The following DLGAP2 variants were observed in gnomAD, a reference collection of about 807,000 sequenced individuals.
DLGAP2 encodes the protein DLG associated protein 2.
DLGAP2 carries 26 observed loss-of-function variants against 100.3 expected under a neutral mutation model. The ratio of observed to expected loss-of-function variants is 0.26; its 90% CI spans 0.19 to 0.36. The LOEUF (loss-of-function observed/expected upper bound fraction) is 0.36. Among genes scored for constraint, DLGAP2 ranks in the 10% least tolerant of loss-of-function variants. The pLI is 1.00. For synonymous variants in DLGAP2, 886 were observed against 630.1 expected (o/e 1.41, Z -6.08); for missense variants, 1,858 against 1,453.2 (o/e 1.28, Z -4.53).
chr8:764,015 C>A (rs529774436), intron 1 of DLGAP2, among the ~76,000 whole-genome samples: 1 of 152,280 alleles, frequency 6.6e-6, no homozygotes, highest in South Asian at 2.1e-4. Flanking sequence ...TTTTAAGAGT[C>A]TAGTTTGTTC....
chr8:1,418,544 C>T (rs1169030335), intron 3 of DLGAP2, among the ~76,000 whole-genome samples: 1 of 152,318 alleles, frequency 6.6e-6, no homozygotes, highest in East Asian at 1.9e-4. Flanking sequence ...GAAGCTTCAC[C>T]TGGCTGCCAG....
At chr8:786,249 C>G (rs951756864) in intron 1 of DLGAP2, among the ~76,000 whole-genome samples, 1 of 152,080 alleles carries the variant, frequency 6.6e-6, no homozygotes. Context: ...GTGTGTGGGG[C>G]GCCTCCGAAA....
At chr8:1,512,739 T>A (rs770117320) in intron 4 of DLGAP2, among the ~76,000 whole-genome samples, 2 of 152,226 alleles carry the variant, frequency 1.3e-5, no homozygotes, top group Admixed American at 1.3e-4. Flanking sequence ...AGTAGAGATC[T>A]CAGACTTCGC....
rs991091500 is a variant in DLGAP2, at chr8:1,685,434, C to T, written c.2705-6101C>T. Among the ~76,000 whole-genome samples, 15 of 152,316 alleles carry T rather than the reference C, an allele frequency of 9.8e-5. No individual in the cohort carries two copies. In the East Asian group the frequency reaches 2.5e-3, roughly 25 times the overall value. The stretch of plus-strand genomic sequence containing the variant: ...CAATGTATCACACAGCTTAATGGAA[C>T]GTCCACTGCTTCCAGACCTCCTGGG... On this transcript the variant is annotated intron_variant, in intron 12 of 14. Coordinates refer to ENST00000637795, the MANE Select transcript of DLGAP2 (RefSeq NM_001346810.2).
At chr8:1,040,731 G>T (rs1308390722) in intron 2 of DLGAP2, among the ~76,000 whole-genome samples, 7 of 152,184 alleles carry the variant, frequency 4.6e-5, no homozygotes, top group African/African-American at 1.7e-4. Context: ...TCTGTGGTCA[G>T]CTCCGTTCAG....
At chr8:1,548,439 A>G (rs572647308) in intron 4 of DLGAP2, among the ~76,000 whole-genome samples, 187 bp from the exon 5 acceptor site, 1 of 139,758 alleles carries the variant, frequency 7.2e-6, no homozygotes, top group African/African-American at 2.7e-5. Context: ...AGCCTGGGCG[A>G]CAGAGCGAGA....
intron 3 of DLGAP2, among the ~76,000 whole-genome samples, chr8:1,310,052 C>G (rs908461056): frequency 1.6e-5 from 2 of 126,976 alleles, no homozygotes; most frequent in African/African-American, 6.8e-5. Flanking sequence ...GGGCAAGTCT[C>G]CATCTCAAAA....
At chr8:1,176,598 CGA>C (rs376942651) in intron 2 of DLGAP2, among the ~76,000 whole-genome samples, 93,304 of 151,750 alleles carry the variant, frequency 0.61, 28,740 homozygotes, top group Admixed American at 0.67. Flanking sequence ...ATCCAGTGCA[CGA>C]CAGGGGTCGT....
intron 3 of DLGAP2, among the ~76,000 whole-genome samples, chr8:1,322,864 G>T (rs1049979898): frequency 1.3e-5 from 2 of 152,148 alleles, no homozygotes; most frequent in Non-Finnish European, 2.9e-5. Flanking sequence ...TGTATCATTT[G>T]TCACAGTGCA....
rs1440754174 is a variant in DLGAP2 at position 1,632,989 on chromosome 8, G to A, written c.1753G>A (p.Glu585Lys). 11 of 1,613,814 alleles carry A rather than the reference G, an allele frequency of 6.8e-6. No homozygotes were observed. The highest frequency in any genetic ancestry group is 1.3e-5 in the African/African-American group (1 of 74,904). ...AIQAGYSQDD[E>K]CIPMMTPSDI... The stretch of plus-strand genomic sequence containing the variant: ...TCAAGCCGGCTACTCCCAAGATGAC[G>A]AATGTATTCCCATGATGACACCCTC... The change falls in exon 8 of 15, where the codon GAA becomes AAA. Residue 585 changes from glutamate to lysine, a missense_variant. Coordinates refer to ENST00000637795, the MANE Select transcript of DLGAP2 (RefSeq NM_001346810.2).
chr8:1,547,349 A>G (rs938863781), intron 4 of DLGAP2, among the ~76,000 whole-genome samples: 1 of 151,754 alleles, frequency 6.6e-6, no homozygotes, highest in Non-Finnish European at 1.5e-5. Flanking sequence ...GCTCCCCTAA[A>G]AGTTGGTGGA....
chr8:816,643 T>A (rs538656671), intron 1 of DLGAP2, among the ~76,000 whole-genome samples: 24 of 152,200 alleles, frequency 1.6e-4, no homozygotes, highest in Non-Finnish European at 3.1e-4. Context: ...TGCCTCCAGC[T>A]CTTAAAATTG....
intron 8 of DLGAP2, among the ~76,000 whole-genome samples, chr8:1,649,817 G>A (rs907555186): frequency 3.3e-5 from 5 of 152,142 alleles, no homozygotes; most frequent in African/African-American, 4.8e-5. Flanking sequence ...GATTCATCAT[G>A]GGGAATATTT....
In DLGAP2 at chr8:1,164,305, T is replaced by C. The variant is rs1483827749; in HGVS notation, c.74-94546T>C. On this transcript the variant is annotated intron_variant, in intron 2 of 14. Transcript: ENST00000637795. ...GGGACTGATTGTGAGCCCCCCAGGG[T>C]TTGTTTTTGTTTGTGGGGACAGATT... 5.3e-4 allele frequency among the ~76,000 whole-genome samples: 25 copies of C among 47,130 alleles called. 3 individuals are homozygous for C. The highest frequency in any genetic ancestry group is 1.1e-3 in the Non-Finnish European group (21 of 19,828). The allele number at this position is 47,130 out of a possible 152,430, so 30.9% of individuals were successfully genotyped here. A position where few individuals can be genotyped will look rare whatever the true frequency, so the allele number is the denominator to read the frequency against.
intron 1 of DLGAP2, among the ~76,000 whole-genome samples, chr8:801,753 A>G (rs569584406): frequency 1.3e-5 from 2 of 152,284 alleles, no homozygotes; most frequent in East Asian, 1.9e-4. Flanking sequence ...TTGATGAGAA[A>G]TAACGTTCAC....
At chr8:1,252,154 G>A (rs929276699) in intron 2 of DLGAP2, among the ~76,000 whole-genome samples, 6 of 151,068 alleles carry the variant, frequency 4.0e-5, no homozygotes, top group Non-Finnish European at 5.9e-5. Flanking sequence ...GTTGTCACAC[G>A]GGTGTGTTGT....
At chr8:1,600,309 T>A (rs1262460873) in intron 6 of DLGAP2, among the ~76,000 whole-genome samples, 2 of 152,190 alleles carry the variant, frequency 1.3e-5, no homozygotes, top group Non-Finnish European at 2.9e-5. Flanking sequence ...TTATCATTTT[T>A]TCCTTCATTT....
In DLGAP2 at chr8:1,565,675, G is replaced by C. The variant is rs375315939; in HGVS notation, c.1231-8G>C. The C allele has an allele frequency of 6.2e-6, 10 of 1,607,176 alleles. No individual in the cohort carries two copies. The highest frequency in any genetic ancestry group is 4.0e-5 in the African/African-American group (3 of 74,774). On this transcript the variant is annotated splice_polypyrimidine_tract_variant and splice_region_variant and intron_variant, in intron 5 of 14. Transcript: ENST00000637795. ...GTTGATGCGTGTTTCATGTCTGTCT[G>C]CTCCCAGGTACCTCAGGATGAGTGG...
At chr8:1,368,351 G>A (rs374260771) in intron 3 of DLGAP2, among the ~76,000 whole-genome samples, 30 of 151,812 alleles carry the variant, frequency 2.0e-4, no homozygotes, top group African/African-American at 7.0e-4. Context: ...GCATGCGTGT[G>A]TATATATGTG....
Sources: allele counts gnomAD v4.1 joint callset (sites outside exome capture counted in the v4.1 genomes callset), GRCh38; gene constraint gnomAD v4.1.1; transcripts MANE v1.5; gene names NCBI Gene and HGNC (gene_info 2026-07-23, HGNC 2026-07-21).